The following RBMS3 variants were observed in gnomAD, a reference collection of about 807,000 sequenced individuals.
RBMS3 encodes the protein RNA-binding motif, single-stranded-interacting protein 3.
Under a neutral mutation model 66.8 loss-of-function variants are expected in RBMS3, and 27 were observed. The ratio of observed to expected loss-of-function variants is 0.40; its 90% CI spans 0.30 to 0.56. The LOEUF (loss-of-function observed/expected upper bound fraction) is 0.56. Among genes scored for constraint, RBMS3 ranks in the 20% least tolerant of loss-of-function variants. RBMS3 has a pLI of 0.40. For synonymous variants in RBMS3, 188 were observed against 183.0 expected (o/e 1.03, Z -0.22); for missense variants, 513 against 549.5 (o/e 0.93, Z 0.66).
intron 6 of RBMS3, among the ~76,000 whole-genome samples, chr3:29,830,811 G>A (rs2058352212): frequency 6.6e-6 from 1 of 152,050 alleles, no homozygotes; most frequent in Non-Finnish European, 1.5e-5. Flanking sequence ...TTCATTTCCA[G>A]TGATGTTTTT....
intron 2 of RBMS3, among the ~76,000 whole-genome samples, chr3:29,485,117 G>A (rs2043272779): frequency 6.6e-6 from 1 of 152,074 alleles, no homozygotes. Flanking sequence ...AATAAAAGAT[G>A]CCATTAGTTT....
intron 8 of RBMS3, among the ~76,000 whole-genome samples, chr3:29,884,422 T>TTTTCTCTCTCTCTCTCTCTCTCTCTC (rs777331613): frequency 2.4e-5 from 1 of 41,842 alleles, no homozygotes; most frequent in African/African-American, 1.0e-4. Context: ...TTAAACCCTG[T>TTTTCTCTCTCTCTCTCTCTCTCTCTC]TCTCTCTCTC....
At chr3:29,593,923 T>A (rs182614320) in intron 4 of RBMS3, among the ~76,000 whole-genome samples, 21 of 152,310 alleles carry the variant, frequency 1.4e-4, no homozygotes, top group African/African-American at 4.6e-4. Context: ...CCAGTTACAG[T>A]TACAAAATAG....
chr3:29,286,185 G>A (rs1417355875), intron 1 of RBMS3, among the ~76,000 whole-genome samples: 3 of 152,084 alleles, frequency 2.0e-5, no homozygotes, highest in Non-Finnish European at 2.9e-5. Context: ...AACTATGATA[G>A]CATGAAACTA....
intron 1 of RBMS3, among the ~76,000 whole-genome samples, chr3:29,398,919 C>A (rs940866987): frequency 3.9e-5 from 6 of 152,050 alleles, no homozygotes; most frequent in Non-Finnish European, 8.8e-5. Flanking sequence ...TGTGTTTTTG[C>A]TTTTTTAGAA....
chr3:29,571,149 A>G (rs2046939731), intron 3 of RBMS3, among the ~76,000 whole-genome samples: 1 of 151,878 alleles, frequency 6.6e-6, no homozygotes, highest in Non-Finnish European at 1.5e-5. Context: ...CTATTAAAAT[A>G]TTTTGCCCAT....
intron 1 of RBMS3, among the ~76,000 whole-genome samples, chr3:29,370,285 A>G (rs768838460): frequency 2.0e-5 from 3 of 152,196 alleles, no homozygotes; most frequent in Admixed American, 6.6e-5. Flanking sequence ...AGATATAGTC[A>G]TAATATCTTG....
chr3:29,450,169 G>A (rs1324131074), intron 2 of RBMS3, among the ~76,000 whole-genome samples: 2 of 152,132 alleles, frequency 1.3e-5, no homozygotes, highest in Non-Finnish European at 2.9e-5. Flanking sequence ...ACTACATCCA[G>A]AGTGTACAAC....
chr3:29,527,693 T>C (rs1476142859), intron 3 of RBMS3, among the ~76,000 whole-genome samples: 1 of 152,198 alleles, frequency 6.6e-6, no homozygotes, highest in Admixed American at 6.5e-5. Flanking sequence ...TCCTGATTTA[T>C]AATTAGACTT....
At chr3:29,896,553 T>G (rs915609113) in intron 8 of RBMS3, among the ~76,000 whole-genome samples, 3 of 151,586 alleles carry the variant, frequency 2.0e-5, no homozygotes, top group Non-Finnish European at 3.0e-5. Context: ...CAGTAAGACA[T>G]AGGGGAAACA....
chr3:29,320,758 T>C (rs115111179), intron 1 of RBMS3, among the ~76,000 whole-genome samples: 10,037 of 152,092 alleles, frequency 0.066, 400 homozygotes, highest in Non-Finnish European at 0.084. Context: ...AATAAATAAC[T>C]GTGGCCCTTT....
At position 29,519,205 on chromosome 3, in the gene RBMS3, C is replaced by T. The variant is rs754262875; in HGVS notation, c.307+30706C>T. Among the ~76,000 whole-genome samples the T allele has an allele frequency of 6.7e-4, 102 of 152,234 alleles. 1 individual carries two copies. Among genetic ancestry groups the T allele is most frequent in the Admixed American group, 1.2e-3 (18 of 15,288 alleles). Reference sequence around the variant, plus strand: ...ACCTCAGCATTTACACTACTGCAAACTTATTTTGGTATAGAAACTTATCCA... The same window carrying T: ...ACCTCAGCATTTACACTACTGCAAATTTATTTTGGTATAGAAACTTATCCA... On this transcript the variant is annotated intron_variant, in intron 3 of 14. Transcript: ENST00000383767.
In RBMS3 at chr3:29,928,180, TTATATATATATA is replaced by T. The variant is rs1199975605; in HGVS notation, c.940-7885_940-7874del. 8.7e-4 allele frequency among the ~76,000 whole-genome samples: 89 copies of T among 102,574 alleles called. No individual in the cohort carries two copies. The Middle Eastern group carries it at 0.015, about 17-fold the overall frequency. 67.3% of individuals were successfully genotyped at this position (102,574 alleles called of 152,430 possible). A position where few individuals can be genotyped will look rare whatever the true frequency, so the allele number is the denominator to read the frequency against. On this transcript the variant is annotated intron_variant, in intron 10 of 14. Transcript: ENST00000383767. ...AAACTGGTCTGCTCCTCTTCAAATT[TTATATATATATA>T]TATATATATATATATATATACACAC...
rs1322193187 is a variant in RBMS3, at chr3:30,005,323, A to G, written c.*1461A>G. 1 of 151,818 alleles carries G rather than the reference A, an allele frequency of 6.6e-6. No individual in the cohort carries two copies. The highest frequency in any genetic ancestry group is 2.4e-5 in the African/African-American group (1 of 41,386). 9.4% of individuals were successfully genotyped at this position (151,818 alleles called of 1,614,324 possible). On this transcript the variant is annotated 3_prime_UTR_variant, in exon 15 of 15. Coordinates refer to ENST00000383767, the MANE Select transcript of RBMS3 (RefSeq NM_001003793.3). ...AAGAGTTCTGGATATGAACTGATTC[A>G]TAGAGCCAAGTGGCTTTAAATTCTG... is the stretch of plus-strand genomic sequence containing the variant.
chr3:29,990,452 G>A (rs1577334720), intron 13 of RBMS3, among the ~76,000 whole-genome samples: 2 of 104,024 alleles, frequency 1.9e-5, no homozygotes, highest in Admixed American at 2.5e-4. Context: ...GCCAGCATCT[G>A]TGAGAAACAA....
chr3:29,969,186 C>G (rs918563100), intron 12 of RBMS3, among the ~76,000 whole-genome samples: 1 of 152,124 alleles, frequency 6.6e-6, no homozygotes, highest in Non-Finnish European at 1.5e-5. Context: ...AGATTAAATG[C>G]CTAATAGACA....
chr3:29,386,475 C>G (rs184176850), intron 1 of RBMS3, among the ~76,000 whole-genome samples: 48 of 152,254 alleles, frequency 3.2e-4, no homozygotes, highest in Non-Finnish European at 4.9e-4. Context: ...TCCTTATACT[C>G]TTCTTTCTTT....
chr3:29,797,350 C>T (rs2057236966), intron 6 of RBMS3, among the ~76,000 whole-genome samples: 1 of 152,174 alleles, frequency 6.6e-6, no homozygotes, highest in South Asian at 2.1e-4. Context: ...CTGCAGCTTT[C>T]TCTCACCTCT....
chr3:29,999,587 G>C (rs1699477974), intron 14 of RBMS3, among the ~76,000 whole-genome samples: 1 of 152,138 alleles, frequency 6.6e-6, no homozygotes, highest in South Asian at 2.1e-4. Flanking sequence ...CACAAAAAAT[G>C]ATGAGTTCAT....
Sources: gnomAD v4.1 joint callset for allele counts (sites outside exome capture counted in the v4.1 genomes callset) on GRCh38, gnomAD v4.1.1 for gene constraint, MANE v1.5 for transcripts, NCBI Gene and HGNC (gene_info 2026-07-23, HGNC 2026-07-21) for gene names.